KCTD19: variants seen among roughly 807,000 people sequenced by gnomAD.
KCTD19 encodes BTB/POZ domain-containing protein KCTD19.
A neutral mutation model predicts 103.5 loss-of-function variants in KCTD19; 67 were observed. The ratio of observed to expected loss-of-function variants is 0.65; its 90% CI spans 0.53 to 0.79. KCTD19 has a LOEUF of 0.79. Ranked by LOEUF, KCTD19 falls within the 30% of genes least tolerant of loss-of-function variation. The pLI, the probability that KCTD19 is intolerant of heterozygous loss-of-function variation, is 0.00. For synonymous variants in KCTD19, 439 were observed against 452.2 expected, an observed-to-expected ratio of 0.97 and a Z score of 0.37; for missense variants, 980 against 1,136.1, an observed-to-expected ratio of 0.86 and a Z score of 1.98.
At chr16:67,296,401 A>G (rs2036765723) in intron 7 of KCTD19, 142 bp from the exon 8 acceptor site, 4 of 636,234 alleles carry the variant, frequency 6.3e-6, no homozygotes. Context: ...GAGAAGCAGC[A>G]GAAATCCCTG....
Position 67,291,704 on chromosome 16 carries a change from A to G in KCTD19, c.2352T>C (p.Tyr784=), listed in dbSNP as rs1334430237. 1.2e-6 allele frequency: 2 copies of G among 1,614,090 alleles called. No individual in the cohort carries two copies. The highest frequency in any genetic ancestry group is 3.3e-5 in the Admixed American group (2 of 60,020). The part of the protein sequence containing the change: ...FCMFFEDSII[Y]TTEMDNLRHT... ...GCCTGAGGTTGTCCATCTCCGTGGT[A>G]TAGATGATGCTGTCCTCAAAGAACA... The change falls in exon 13 of 16, where the codon TAT becomes TAC. Residue 784 remains tyrosine, a synonymous_variant. Transcript: ENST00000304372.
In KCTD19 at chr16:67,325,198, TC is replaced by T. The variant is rs1376797088; in HGVS notation, c.3+1506del. On this transcript the variant is annotated intron_variant, in intron 1 of 15. Transcript: ENST00000304372. ...TCTTTCTTTCTTTTTTTTCTTTTTT[TC>T]TTTTTTTCTTTTTTTTTTTTTTTGA... 1.8e-3 allele frequency among the ~76,000 whole-genome samples: 240 copies of T among 134,018 alleles called. 1 individual carries two copies. Among genetic ancestry groups the T allele is most frequent in the Middle Eastern group, 3.5e-3 (1 of 284 alleles). The allele number at this position is 134,018 out of a possible 152,430, so 87.9% of individuals were successfully genotyped here.
chr16:67,314,830 T>TATAG (rs1430877802), intron 2 of KCTD19, among the ~76,000 whole-genome samples: 13 of 33,644 alleles, frequency 3.9e-4, no homozygotes, highest in African/African-American at 8.5e-4. Context: ...TATATATATA[T>TATAG]AGAGAGAGAG....
rs954281531 is a variant in KCTD19 at position 67,296,150 on chromosome 16, C to T, written c.1248+9G>A. On this transcript the variant is annotated intron_variant, in intron 8 of 15. Coordinates refer to ENST00000304372, the MANE Select transcript of KCTD19 (RefSeq NM_001100915.3). ...AGATGGGGAGCAGGGCAGCCGAGGCCGTCAGTACCTTCAGCAGTGTCTGCA... is the reference window on the plus strand; with the variant it reads ...AGATGGGGAGCAGGGCAGCCGAGGCTGTCAGTACCTTCAGCAGTGTCTGCA... The T allele has an allele frequency of 3.2e-6, 5 of 1,567,694 alleles. No homozygotes were observed. Among genetic ancestry groups the T allele is most frequent in the African/African-American group, 1.4e-5 (1 of 74,004 alleles).
At chr16:67,312,306 G>A (rs986046181) in intron 2 of KCTD19, among the ~76,000 whole-genome samples, 2 of 152,180 alleles carry the variant, frequency 1.3e-5, no homozygotes, top group Non-Finnish European at 2.9e-5. Flanking sequence ...CTCCCACCCA[G>A]GCTGATGGAT....
intron 5 of KCTD19, chr16:67,301,447 C>T (rs1374250329): frequency 5.5e-6 from 1 of 182,392 alleles, no homozygotes; most frequent in Non-Finnish European, 1.1e-5. Context: ...CTTTCACAAG[C>T]AGGGCAGACC....
chr16:67,295,338 T>C lies in KCTD19; in HGVS notation c.1316A>G (p.His439Arg), dbSNP rs1332695525. ...WITYGQTLLI[H>R]GDGQMFRHIL... ...GTGTCGGAACATCTGGCCATCCCCGTGGATGAGCAGGGTTTGTCCATATGT... is the reference window on the plus strand; with the variant it reads ...GTGTCGGAACATCTGGCCATCCCCGCGGATGAGCAGGGTTTGTCCATATGT... Residue 439 changes from histidine (H) to arginine (R), a missense_variant, in exon 9 of 16, where the codon CAC becomes CGC. Physicochemically the swap from His to Arg is conservative, Grantham distance 29. Coordinates refer to ENST00000304372, the MANE Select transcript of KCTD19 (RefSeq NM_001100915.3). 2 of 1,614,144 alleles carry C rather than the reference T, an allele frequency of 1.2e-6. No homozygotes were observed. Among genetic ancestry groups the C allele is most frequent in the South Asian group, 2.2e-5 (2 of 91,072 alleles).
At chr16:67,307,721 T>C (rs1403521523) in intron 2 of KCTD19, among the ~76,000 whole-genome samples, 1 of 152,154 alleles carries the variant, frequency 6.6e-6, no homozygotes, top group Non-Finnish European at 1.5e-5. Context: ...ATTGGCCTCC[T>C]GGGATTATAG....
At chr16:67,290,833 C>T (rs1454477460) in intron 15 of KCTD19, 52 bp downstream of exon 15, 1 of 1,496,644 alleles carries the variant, frequency 6.7e-7, no homozygotes, top group Non-Finnish European at 9.1e-7. Context: ...ACACGTCCAT[C>T]TGAGGCATCC....
chr16:67,294,814 T>A, intron 10 of KCTD19, 120 bp from the exon 11 acceptor site: 1 of 943,794 alleles, frequency 1.1e-6, no homozygotes, highest in Non-Finnish European at 1.7e-6. Context: ...AAGGGGCTCT[T>A]AAAGGGTTTT....
At chr16:67,291,521 C>G in intron 13 of KCTD19, 58 bp from the exon 14 acceptor site, 1 of 1,586,212 alleles carries the variant, frequency 6.3e-7, no homozygotes, top group Non-Finnish European at 8.6e-7. Context: ...GCCTTAGAGA[C>G]AGTGTGAGGA....
At chr16:67,295,676 A>G in intron 8 of KCTD19, 1 of 371,430 alleles carries the variant, frequency 2.7e-6, no homozygotes, top group Non-Finnish European at 4.9e-6. Flanking sequence ...CAGGTCCCTC[A>G]GAGCTGGCCC....
At position 67,320,993 on chromosome 16, in the gene KCTD19, T is replaced by C; in HGVS notation, c.4-108A>G. On this transcript the variant is annotated intron_variant, in intron 1 of 15. Coordinates refer to ENST00000304372, the MANE Select transcript of KCTD19 (RefSeq NM_001100915.3). The surrounding 1 kb of genome is among the most constrained non-coding windows in gnomAD (Gnocchi z 4.0). ...TCTGTTTGCTGATGACATGATCTTG[T>C]ATATAAAAAATCCTAAGGAATTCAC... 2 of 1,007,924 alleles carry C rather than the reference T, an allele frequency of 2.0e-6. No individual in the cohort carries two copies. Among genetic ancestry groups the C allele is most frequent in the Non-Finnish European group, 2.8e-6 (2 of 703,546 alleles). The allele number at this position is 1,007,924 out of a possible 1,614,324, so 62.4% of individuals were successfully genotyped here.
In KCTD19 at chr16:67,300,532, T is replaced by A. The variant is rs1398361630; in HGVS notation, c.776-959A>T. On this transcript the variant is annotated intron_variant, in intron 5 of 15. Coordinates refer to ENST00000304372, the MANE Select transcript of KCTD19 (RefSeq NM_001100915.3). This position sits in a 1 kb window ranked among gnomAD's most constrained non-coding sequence, Gnocchi z 4.5. Reference sequence around the variant, plus strand: ...TACCATCTCACAATGATCTATGTTCTCTGAGGAGTAGAAGGCTTTGAGGGA... The same window carrying A: ...TACCATCTCACAATGATCTATGTTCACTGAGGAGTAGAAGGCTTTGAGGGA... 6.6e-6 allele frequency: 1 copy of A among 152,312 alleles called. No homozygotes were observed. Among genetic ancestry groups the A allele is most frequent in the African/African-American group, 2.4e-5 (1 of 41,452 alleles). 9.4% of individuals were successfully genotyped at this position (152,312 alleles called of 1,614,324 possible).
Position 67,289,506 on chromosome 16 carries a change from G to A in KCTD19, c.*63C>T, listed in dbSNP as rs2036642563. 3.2e-6 allele frequency: 3 copies of A among 944,094 alleles called. No individual in the cohort carries two copies. The allele number at this position is 944,094 out of a possible 1,614,324, so 58.5% of individuals were successfully genotyped here. A position where few individuals can be genotyped will look rare whatever the true frequency, so the allele number is the denominator to read the frequency against. On this transcript the variant is annotated 3_prime_UTR_variant, in exon 16 of 16. Coordinates refer to ENST00000304372, the MANE Select transcript of KCTD19 (RefSeq NM_001100915.3). ...CCCTCTGATGGGCACATGCATTCTG[G>A]GCTATCTCCAATTAAAATGAGACTT...
At chr16:67,295,831 A>G (rs1025299574) in intron 8 of KCTD19, 11 of 355,600 alleles carry the variant, frequency 3.1e-5, no homozygotes, top group African/African-American at 1.0e-4. Context: ...TGCAACTTCT[A>G]TCTCCTGGGT....
chr16:67,320,429 C>G lies in KCTD19; in HGVS notation c.300+160G>C, dbSNP rs1248324891. ...ATTACTTTTTTTTCCTTTTTACTCA[C>G]CCCTATACTAATGAGGAAATTATTT... On this transcript the variant is annotated intron_variant, in intron 2 of 15. Transcript: ENST00000304372. This position sits in a 1 kb window ranked among gnomAD's most constrained non-coding sequence, Gnocchi z 4.0. Among the ~76,000 whole-genome samples, 1 of 152,104 alleles carries G rather than the reference C, an allele frequency of 6.6e-6. No homozygotes were observed. The highest frequency in any genetic ancestry group is 6.6e-5 in the Admixed American group (1 of 15,258).
intron 1 of KCTD19, chr16:67,321,636 A>G (rs947560300): frequency 1.3e-4 from 20 of 152,230 alleles, no homozygotes; most frequent in Non-Finnish European, 2.4e-4. Context: ...ACGTTTAAGA[A>G]GTCACATTTC....
chr16:67,297,693 A>ACAT (rs770975630), intron 6 of KCTD19, 30 bp from the exon 7 acceptor site: 1 of 1,608,464 alleles, frequency 6.2e-7, no homozygotes, highest in South Asian at 1.1e-5. Flanking sequence ...GTCATGAAGA[A>ACAT]CATCAGCATT....
Sources: allele counts gnomAD v4.1 joint callset (sites outside exome capture counted in the v4.1 genomes callset), GRCh38; gene constraint gnomAD v4.1.1; non-coding constraint Gnocchi (gnomAD v3.1); transcripts MANE v1.5; gene names NCBI Gene and HGNC (gene_info 2026-07-23, HGNC 2026-07-21).